Variants in ATP9A observed in about 807,000 individuals in gnomAD.
ATP9A encodes the protein ATPase phospholipid transporting 9A.
Under a neutral mutation model 144.1 loss-of-function variants are expected in ATP9A, and 52 were observed. That is an observed-to-expected ratio of 0.36 (90% CI 0.29 to 0.45). The LOEUF is 0.45. ATP9A is among the 20% of genes least tolerant of loss of function. The pLI, the probability that ATP9A is intolerant of heterozygous loss-of-function variation, is 1.00. For synonymous variants in ATP9A, 582 were observed against 557.4 expected, an observed-to-expected ratio of 1.04 and a Z score of -0.62; for missense variants, 947 against 1,392.7, an observed-to-expected ratio of 0.68 and a Z score of 5.09.
Position 51,690,760 on chromosome 20 carries a change from G to A in ATP9A, c.702C>T (p.Asn234=). 1 of 1,614,140 alleles carries A rather than the reference G, an allele frequency of 6.2e-7. No individual in the cohort carries two copies. The highest frequency in any genetic ancestry group is 1.6e-4 in the Middle Eastern group (1 of 6,062). The change falls in exon 8 of 28, where the codon AAC becomes AAT. Residue 234 remains asparagine (N), a synonymous_variant. Transcript: ENST00000338821. ...TTACTCGGGTAAAAGTTCCCACGAA[G>A]TTGTGAATGTCAATATTTGGCTCTT... is the stretch of plus-strand genomic sequence containing the variant. ...YAEEPNIDIH[N]FVGTFTREDS... is the part of the protein sequence containing the mutation.
At chr20:51,711,633 T>G (rs2077638859) in intron 4 of ATP9A, among the ~76,000 whole-genome samples, 1 of 152,190 alleles carries the variant, frequency 6.6e-6, no homozygotes, top group Non-Finnish European at 1.5e-5. Context: ...TAGCAAACTT[T>G]AGGTAACATT....
chr20:51,720,067 G>T (rs145068003), intron 3 of ATP9A, among the ~76,000 whole-genome samples: 85 of 152,254 alleles, frequency 5.6e-4, no homozygotes, highest in Admixed American at 1.2e-3. Context: ...TCAATAAAAA[G>T]AAAGTTGTAA....
At chr20:51,607,732 T>C in intron 25 of ATP9A, 148 bp from the exon 26 acceptor site, 1 of 620,244 alleles carries the variant, frequency 1.6e-6, no homozygotes, top group Admixed American at 2.8e-5. Context: ...CTGAACACAT[T>C]GGAGGAATTA....
rs973768328 is a variant in ATP9A at position 51,729,856 on chromosome 20, T to C, written c.191A>G (p.Asn64Ser). Residue 64 changes from asparagine to serine, a missense_variant, in exon 2 of 28, where the codon AAT (asparagine) becomes AGT (serine). By Grantham distance (46) the Asn-to-Ser change is conservative (BLOSUM62 1). Transcript: ENST00000338821. ...TACCCCAGGAAGAAAGGTGAAGAAA[T>C]TGTACTTCTGATTGTTGATGACATT... Reference protein sequence around the residue: ...PRNVINNQKYNFFTFLPGVLF... With the variant: ...PRNVINNQKYSFFTFLPGVLF... The C allele has an allele frequency of 9.4e-6, 15 of 1,592,442 alleles. No homozygotes were observed. The highest frequency in any genetic ancestry group is 1.4e-5 in the African/African-American group (1 of 73,252).
intron 1 of ATP9A, among the ~76,000 whole-genome samples, chr20:51,765,583 C>G (rs1190690061): frequency 6.8e-6 from 1 of 146,498 alleles, no homozygotes; most frequent in Non-Finnish European, 1.5e-5. Context: ...ACCTGGAATG[C>G]GGACGTTGCA....
At chr20:51,730,469 A>AACAT (rs1489479769) in intron 1 of ATP9A, among the ~76,000 whole-genome samples, 3 of 152,222 alleles carry the variant, frequency 2.0e-5, no homozygotes, top group African/African-American at 7.2e-5. Flanking sequence ...TTCGTCTCAA[A>AACAT]AAATAAGTAA....
intron 22 of ATP9A, among the ~76,000 whole-genome samples, chr20:51,614,193 T>C (rs1384255431): frequency 1.3e-5 from 2 of 152,244 alleles, no homozygotes; most frequent in Non-Finnish European, 2.9e-5. Context: ...CCAGAGCTAC[T>C]AACAATATTA....
In ATP9A at chr20:51,729,841, A is replaced by G. The variant is rs778058700; in HGVS notation, c.206T>C (p.Leu69Pro). 3.2e-6 allele frequency: 5 copies of G among 1,585,048 alleles called. No individual in the cohort carries two copies. The South Asian group carries it at 4.6e-5, about 15-fold the overall frequency. ...NNQKYNFFTF[L>P]PGVLFNQFKY... ...GTCCCTGCCTGCACGTACCCCAGGAAGAAAGGTGAAGAAATTGTACTTCTG... is the reference window on the plus strand; with the variant it reads ...GTCCCTGCCTGCACGTACCCCAGGAGGAAAGGTGAAGAAATTGTACTTCTG... The change falls in exon 2 of 28, where the codon CTT (leucine) becomes CCT (proline). Residue 69 changes from leucine to proline, a missense_variant. Coordinates refer to ENST00000338821, the MANE Select transcript of ATP9A (RefSeq NM_006045.3).
At chr20:51,758,635 A>G (rs2077866231) in intron 1 of ATP9A, among the ~76,000 whole-genome samples, 1 of 152,160 alleles carries the variant, frequency 6.6e-6, no homozygotes, top group Non-Finnish European at 1.5e-5. Context: ...AGGTAGAAAG[A>G]GCCCTTTTGG....
At chr20:51,695,094 G>A (rs529621881) in intron 6 of ATP9A, among the ~76,000 whole-genome samples, 61 of 128,570 alleles carry the variant, frequency 4.7e-4, no homozygotes, top group Non-Finnish European at 9.2e-4. Flanking sequence ...AAAGGAATAC[G>A]AATGTAAATT....
chr20:51,690,868 A>G, intron 7 of ATP9A, 49 bp from the exon 8 acceptor site: 1 of 1,410,950 alleles, frequency 7.1e-7, no homozygotes, highest in Non-Finnish European at 1.0e-6. Context: ...TCACAATGCA[A>G]GACTTCAGGA....
chr20:51,701,012 C>T lies in ATP9A; in HGVS notation c.437-3530G>A, dbSNP rs115867321. ...AGGAAGGTATTACTTGAAGGAAGACCGTAAATTCAACGTGGCCCTCAGCGC... is the reference window on the plus strand; with the variant it reads ...AGGAAGGTATTACTTGAAGGAAGACTGTAAATTCAACGTGGCCCTCAGCGC... On this transcript the variant is annotated intron_variant, in intron 4 of 27. Transcript: ENST00000338821. Among the ~76,000 whole-genome samples, 1,097 of 152,248 alleles carry T rather than the reference C, an allele frequency of 7.2e-3. 12 individuals carry two copies. The highest frequency in any genetic ancestry group is 0.025 in the African/African-American group (1,047 of 41,550).
At chr20:51,621,993 A>C in intron 19 of ATP9A, 81 bp downstream of exon 19, 1 of 1,245,784 alleles carries the variant, frequency 8.0e-7, no homozygotes, top group Non-Finnish European at 1.2e-6. Context: ...CTCCCTTCTT[A>C]AGGGGCCCAC....
At chr20:51,690,406 C>T (rs1441426515) in intron 8 of ATP9A, among the ~76,000 whole-genome samples, 3 of 151,914 alleles carry the variant, frequency 2.0e-5, no homozygotes, top group East Asian at 1.9e-4. Context: ...GGCAACAGAG[C>T]AAGACTCCAT....
chr20:51,699,333 C>CAAAAAAAA (rs74175569), intron 4 of ATP9A, among the ~76,000 whole-genome samples: 16 of 70,388 alleles, frequency 2.3e-4, no homozygotes, highest in East Asian at 6.5e-4. Flanking sequence ...AACTCAATCT[C>CAAAAAAAA]AAAAAAAAAA....
At chr20:51,665,202 C>T (rs2077427667) in intron 13 of ATP9A, among the ~76,000 whole-genome samples, 1 of 150,140 alleles carries the variant, frequency 6.7e-6, no homozygotes. Flanking sequence ...TCAGAATAGG[C>T]AAATCCAGAG....
intron 1 of ATP9A, among the ~76,000 whole-genome samples, chr20:51,757,480 T>C (rs1322111712): frequency 2.0e-5 from 3 of 152,138 alleles, no homozygotes; most frequent in Non-Finnish European, 4.4e-5. Flanking sequence ...GCCACAGAGA[T>C]TTAATTGGGG....
At chr20:51,646,529 C>G (rs1277728051) in intron 14 of ATP9A, among the ~76,000 whole-genome samples, 1 of 152,128 alleles carries the variant, frequency 6.6e-6, no homozygotes, top group Non-Finnish European at 1.5e-5. Context: ...TCAAATGCAC[C>G]AGGCAGTGGT....
chr20:51,729,808 A>G (rs769500924), intron 2 of ATP9A, 26 bp downstream of exon 2: 16 of 1,525,866 alleles, frequency 1.0e-5, no homozygotes, highest in Non-Finnish European at 1.4e-5. Context: ...AAAAAAGAAA[A>G]GAGCACGGTC....
Sources: gnomAD v4.1 joint callset for allele counts (sites outside exome capture counted in the v4.1 genomes callset) on GRCh38, gnomAD v4.1.1 for gene constraint, MANE v1.5 for transcripts, NCBI Gene and HGNC (gene_info 2026-07-23, HGNC 2026-07-21) for gene names.